Variants in ADAMTS17 observed in about 807,000 individuals in gnomAD.
The protein encoded by ADAMTS17 is ADAM metallopeptidase with thrombospondin type 1 motif 17.
Under a neutral mutation model 141.5 loss-of-function variants are expected in ADAMTS17, and 113 were observed. The ratio of observed to expected loss-of-function variants is 0.80; its 90% CI spans 0.69 to 0.93. The LOEUF is 0.93. Ranked by LOEUF, ADAMTS17 falls within the 40% of genes least tolerant of loss-of-function variation. ADAMTS17 has a pLI of 0.00. For synonymous variants in ADAMTS17, 768 were observed against 630.6 expected (o/e 1.22, Z -3.27); for missense variants, 1,659 against 1,517.9 (o/e 1.09, Z -1.54).
intron 7 of ADAMTS17, among the ~76,000 whole-genome samples, chr15:100,225,596 G>GC (rs59402678): frequency 2.0e-5 from 3 of 146,830 alleles, no homozygotes; most frequent in Non-Finnish European, 4.5e-5. Context: ...CGGTCTCTGT[G>GC]CCATTCAGTC....
intron 7 of ADAMTS17, among the ~76,000 whole-genome samples, chr15:100,207,861 C>T (rs1267858713): frequency 2.0e-5 from 3 of 152,148 alleles, no homozygotes; most frequent in African/African-American, 4.8e-5. Context: ...CCATCACTCA[C>T]GTCATTGGCC....
At chr15:100,222,255 G>A (rs1393191571) in intron 7 of ADAMTS17, among the ~76,000 whole-genome samples, 5 of 152,146 alleles carry the variant, frequency 3.3e-5, no homozygotes, top group South Asian at 2.1e-4. Flanking sequence ...AGGAGGTGCC[G>A]CTTCATGCAG....
intron 14 of ADAMTS17, among the ~76,000 whole-genome samples, chr15:100,096,932 C>A (rs1375462988): frequency 6.6e-6 from 1 of 152,242 alleles, no homozygotes; most frequent in African/African-American, 2.4e-5. Flanking sequence ...GAACATACAA[C>A]AGAAACCACA....
At chr15:100,073,313 T>C (rs1361271474) in intron 15 of ADAMTS17, among the ~76,000 whole-genome samples, 3 of 152,206 alleles carry the variant, frequency 2.0e-5, no homozygotes, top group Admixed American at 2.0e-4. Context: ...ACACTGCTGG[T>C]AGGACTGTAA....
chr15:100,137,061 G>T (rs1344292202), intron 10 of ADAMTS17, among the ~76,000 whole-genome samples: 2 of 152,212 alleles, frequency 1.3e-5, no homozygotes, highest in Non-Finnish European at 2.9e-5. Flanking sequence ...AATGGAAAAA[G>T]ATTTTTGAAC....
intron 14 of ADAMTS17, among the ~76,000 whole-genome samples, chr15:100,104,996 G>A (rs1019364024): frequency 2.0e-5 from 3 of 152,180 alleles, no homozygotes; most frequent in African/African-American, 4.8e-5. Context: ...TTTAAGAGTG[G>A]GCTGAGGTTA....
At chr15:100,319,323 C>G (rs1268625754) in intron 3 of ADAMTS17, among the ~76,000 whole-genome samples, 1 of 152,192 alleles carries the variant, frequency 6.6e-6, no homozygotes, top group African/African-American at 2.4e-5. Context: ...CCCAGGGAAG[C>G]AGGGCAGGAG....
chr15:99,976,448 C>G, intron 20 of ADAMTS17: 1 of 648,146 alleles, frequency 1.5e-6, no homozygotes, highest in Non-Finnish European at 2.8e-6. Context: ...ATGTGGCTGC[C>G]CCTGGGCTGG....
intron 7 of ADAMTS17, among the ~76,000 whole-genome samples, chr15:100,232,761 G>GC (rs1466305734): frequency 6.6e-6 from 1 of 152,148 alleles, no homozygotes; most frequent in East Asian, 1.9e-4. Context: ...CCCTGCCCAG[G>GC]CCCTCCTCTC....
In ADAMTS17 at chr15:99,993,861, G is replaced by A. The variant is rs1355489925; in HGVS notation, c.2797-661C>T. On this transcript the variant is annotated intron_variant, in intron 19 of 21. Coordinates refer to ENST00000268070, the MANE Select transcript of ADAMTS17 (RefSeq NM_139057.4). The surrounding 1 kb of genome is among the most constrained non-coding windows in gnomAD (Gnocchi z 4.3). ...ACTTACTTGCAGGAGACCTGGCAAG[G>A]GGCAGTGGGGATGGGACCTGGGCAG... 6.6e-6 allele frequency among the ~76,000 whole-genome samples: 1 copy of A among 152,190 alleles called. No individual in the cohort carries two copies. The highest frequency in any genetic ancestry group is 2.4e-5 in the African/African-American group (1 of 41,436).
At chr15:100,016,208 A>G (rs1485935033) in intron 18 of ADAMTS17, among the ~76,000 whole-genome samples, 1 of 152,158 alleles carries the variant, frequency 6.6e-6, no homozygotes, top group Non-Finnish European at 1.5e-5. Context: ...TGTTTCCTGA[A>G]GTTTTGATTG....
intron 7 of ADAMTS17, among the ~76,000 whole-genome samples, chr15:100,232,640 C>G (rs2042520806): frequency 6.6e-6 from 1 of 152,238 alleles, no homozygotes; most frequent in African/African-American, 2.4e-5. Context: ...GTGCAGGACA[C>G]CAAGTCACCA....
intron 7 of ADAMTS17, among the ~76,000 whole-genome samples, chr15:100,227,833 G>A (rs539775411): frequency 1.2e-3 from 180 of 152,334 alleles, no homozygotes; most frequent in African/African-American, 4.2e-3. Context: ...CTGAGGGTGG[G>A]CACACAGCCC....
chr15:100,185,845 C>T (rs958393669), intron 8 of ADAMTS17, among the ~76,000 whole-genome samples: 1 of 152,140 alleles, frequency 6.6e-6, no homozygotes, highest in East Asian at 1.9e-4. Flanking sequence ...AAACAGACTT[C>T]CCACGCTGAA....
In ADAMTS17 at chr15:99,997,557, G is replaced by A. The variant is rs749156998; in HGVS notation, c.2624C>T (p.Ala875Val). Residue 875 changes from alanine (A) to valine (V), a missense_variant, in exon 19 of 22, where the codon GCG (alanine) becomes GTG (valine). Coordinates refer to ENST00000268070, the MANE Select transcript of ADAMTS17 (RefSeq NM_139057.4). The surrounding 1 kb of genome is among the most constrained non-coding windows in gnomAD (Gnocchi z 4.7). ...WVAGPWSPCS[A>V]TCEKGFQHRE... is the part of the protein sequence containing the mutation. ...GTGCTGGAAGCCTTTCTCACAGGTC[G>A]CCGAGCAGGGGCTCCACGGGCCTGC... is the stretch of plus-strand genomic sequence containing the variant. 9 of 1,613,344 alleles carry A rather than the reference G, an allele frequency of 5.6e-6. No homozygotes were observed. The Admixed American group carries it at 6.7e-5, about 12-fold the overall frequency.
At chr15:100,275,505 T>G (rs2044050686) in intron 4 of ADAMTS17, among the ~76,000 whole-genome samples, 1 of 152,168 alleles carries the variant, frequency 6.6e-6, no homozygotes, top group African/African-American at 2.4e-5. Context: ...TGGCAGTCAG[T>G]CCAGGGTGGA....
At chr15:100,233,754 T>C (rs2042564707) in intron 7 of ADAMTS17, among the ~76,000 whole-genome samples, 1 of 151,884 alleles carries the variant, frequency 6.6e-6, no homozygotes, top group Non-Finnish European at 1.5e-5. Flanking sequence ...GAGCGAGTTA[T>C]GGAGATGTCA....
chr15:100,057,877 C>T (rs1045776799), intron 15 of ADAMTS17, among the ~76,000 whole-genome samples: 46 of 152,078 alleles, frequency 3.0e-4, no homozygotes, highest in African/African-American at 9.7e-4. Context: ...CATTTTAAGC[C>T]CCTGGATCCA....
At chr15:100,236,094 C>A (rs1348910438) in intron 7 of ADAMTS17, among the ~76,000 whole-genome samples, 1 of 152,122 alleles carries the variant, frequency 6.6e-6, no homozygotes, top group Non-Finnish European at 1.5e-5. Context: ...ATTACCATCT[C>A]TAATTTGGGT....
Sources: allele counts gnomAD v4.1 joint callset (sites outside exome capture counted in the v4.1 genomes callset), GRCh38; gene constraint gnomAD v4.1.1; non-coding constraint Gnocchi (gnomAD v3.1); transcripts MANE v1.5; gene names NCBI Gene and HGNC (gene_info 2026-07-23, HGNC 2026-07-21).